Variants in ZNF420 observed in about 807,000 individuals in gnomAD.
The protein encoded by ZNF420 is zinc finger protein 420, also known as ATM and p53-associated KZNF protein.
In ZNF420, 31 loss-of-function variants were observed where a neutral mutation model predicts 44.7. That is an observed-to-expected ratio of 0.69 (90% confidence interval 0.52 to 0.94). The LOEUF is 0.94. Among genes scored for constraint, ZNF420 ranks in the 40% least tolerant of loss-of-function variants. ZNF420 has a pLI of 0.00. For synonymous variants in ZNF420, 245 were observed against 267.4 expected, an observed-to-expected ratio of 0.92 and a Z score of 0.82; for missense variants, 681 against 827.9, an observed-to-expected ratio of 0.82 and a Z score of 2.18.
intron 4 of ZNF420, among the ~76,000 whole-genome samples, chr19:37,098,458 T>A (rs968326342): frequency 1.3e-4 from 20 of 152,222 alleles, no homozygotes; most frequent in Non-Finnish European, 2.4e-4. Context: ...AGTTATTATA[T>A]CTTCATGGGT....
At chr19:37,120,314 T>C (rs1172888875) in intron 4 of ZNF420, among the ~76,000 whole-genome samples, 2 of 151,808 alleles carry the variant, frequency 1.3e-5, no homozygotes, top group East Asian at 3.8e-4. Context: ...CAAGGCTGGT[T>C]CAACATACAC....
chr19:37,120,303 GCAAGGCTGGTT>G (rs1268449613), intron 4 of ZNF420, among the ~76,000 whole-genome samples: 154 of 152,284 alleles, frequency 1.0e-3, no homozygotes, highest in African/African-American at 3.3e-3. Flanking sequence ...TCCCTGGGAT[GCAAGGCTGGTT>G]CAACATACAC....
At chr19:37,058,559 G>C (rs1192598827) in intron 1 of ZNF420, among the ~76,000 whole-genome samples, 1 of 152,068 alleles carries the variant, frequency 6.6e-6, no homozygotes. Flanking sequence ...GTGAGGGTGG[G>C]GTGAACTATG....
intron 4 of ZNF420, chr19:37,115,286 G>A (rs776170686): frequency 6.5e-6 from 1 of 153,476 alleles, no homozygotes; most frequent in Non-Finnish European, 1.5e-5. Context: ...CAGAAACAAA[G>A]TATAGAGAAA....
intron 1 of ZNF420, among the ~76,000 whole-genome samples, chr19:37,072,648 C>A (rs977746065): frequency 2.0e-5 from 3 of 152,134 alleles, no homozygotes; most frequent in Non-Finnish European, 4.4e-5. Flanking sequence ...AGATTCATGA[C>A]ATAGATGGCC....
chr19:37,114,330 C>T (rs879621159), intron 4 of ZNF420, among the ~76,000 whole-genome samples: 212 of 152,280 alleles, frequency 1.4e-3, no homozygotes, highest in Non-Finnish European at 2.3e-3. Context: ...GTTCGGCTGG[C>T]GGCCAGTATT....
intron 1 of ZNF420, among the ~76,000 whole-genome samples, chr19:37,016,466 C>T (rs1265437310): frequency 6.6e-6 from 1 of 152,214 alleles, no homozygotes; most frequent in South Asian, 2.1e-4. Context: ...GCACAGGCCC[C>T]TCCTGTGGTC....
intron 1 of ZNF420, among the ~76,000 whole-genome samples, chr19:37,043,533 A>AT (rs1239285680): frequency 1.3e-5 from 2 of 151,828 alleles, no homozygotes; most frequent in South Asian, 4.2e-4. Flanking sequence ...TTATTTATTT[A>AT]TTTTTTTTAG....
chr19:37,073,241 C>A (rs925763943), intron 1 of ZNF420, among the ~76,000 whole-genome samples: 2 of 152,026 alleles, frequency 1.3e-5, no homozygotes, highest in Non-Finnish European at 2.9e-5. Context: ...CATAATACTG[C>A]GTAAAATTTT....
intron 2 of ZNF420, among the ~76,000 whole-genome samples, chr19:37,082,400 G>C (rs773009894): frequency 1.3e-5 from 2 of 152,096 alleles, no homozygotes; most frequent in Admixed American, 6.6e-5. Context: ...CCTGAACTCA[G>C]GTGATCTGCC....
intron 1 of ZNF420, among the ~76,000 whole-genome samples, chr19:37,020,454 C>T (rs2074640245): frequency 6.6e-6 from 1 of 152,142 alleles, no homozygotes; most frequent in Admixed American, 6.5e-5. Flanking sequence ...TCCCTAAACC[C>T]TTAAATATCC....
At chr19:37,056,180 A>C (rs1001692531) in intron 1 of ZNF420, among the ~76,000 whole-genome samples, 5 of 151,146 alleles carry the variant, frequency 3.3e-5, no homozygotes, top group Admixed American at 2.6e-4. Context: ...TGTCAGGGCT[A>C]CCTAGGCGTT....
Position 37,127,702 on chromosome 19 carries a change from A to T in ZNF420, c.711A>T (p.Gln237His), listed in dbSNP as rs764798559. ...GGAAAGCCTTTATTCGTAGCTCACA[A>T]CTTACCCGACATCAAAAAGTTCATA... Reference protein sequence around the residue: ...ECGKAFIRSSQLTRHQKVHTG... With the variant: ...ECGKAFIRSSHLTRHQKVHTG... The change falls in exon 5 of 5, where the codon CAA (glutamine) becomes CAT (histidine). Residue 237 changes from glutamine (Q) to histidine (H), a missense_variant. Physicochemically the swap from Gln to His is conservative, Grantham distance 24. This residue lies in a region of ZNF420 where 350 missense variants were observed against 382.5 expected (regional missense o/e 0.92). Transcript: ENST00000337995. The T allele has an allele frequency of 1.2e-6, 2 of 1,613,996 alleles. No individual in the cohort carries two copies. The highest frequency in any genetic ancestry group is 8.5e-7 in the Non-Finnish European group (1 of 1,179,908).
At chr19:37,071,694 G>C (rs371971910) in intron 1 of ZNF420, among the ~76,000 whole-genome samples, 1 of 152,082 alleles carries the variant, frequency 6.6e-6, no homozygotes. Context: ...CCAGCTACTC[G>C]GGAGGCTGAG....
intron 2 of ZNF420, among the ~76,000 whole-genome samples, chr19:37,085,386 G>A (rs1968696767): frequency 6.6e-6 from 1 of 152,160 alleles, no homozygotes. Context: ...TCCATACGCA[G>A]TTGTTAATGA....
In ZNF420 at chr19:37,130,110, C is replaced by G. The variant is rs1568486492; in HGVS notation, c.*1052C>G. The G allele has an allele frequency of 6.5e-6, 10 of 1,550,154 alleles. No individual in the cohort carries two copies. The highest frequency in any genetic ancestry group is 7.0e-6 in the Non-Finnish European group (8 of 1,146,860). ...GATTTACGAAATCCATTTTTCCTGT[C>G]TTTTTTTCCGTGCCTACAATGTGGA... On this transcript the variant is annotated 3_prime_UTR_variant, in exon 5 of 5. Transcript: ENST00000337995.
chr19:37,088,803 G>A (rs1023986289), intron 2 of ZNF420, among the ~76,000 whole-genome samples: 2 of 152,030 alleles, frequency 1.3e-5, no homozygotes, highest in Non-Finnish European at 2.9e-5. Context: ...TAGATGTGTC[G>A]TTATTACCTA....
At chr19:37,090,582 T>C (rs1374340454) in intron 3 of ZNF420, among the ~76,000 whole-genome samples, 1 of 152,030 alleles carries the variant, frequency 6.6e-6, no homozygotes, top group African/African-American at 2.4e-5. Context: ...CCATGTGCTC[T>C]GTTGCTTCCT....
intron 1 of ZNF420, among the ~76,000 whole-genome samples, chr19:37,016,959 C>T (rs1001953636): frequency 6.6e-6 from 1 of 152,204 alleles, no homozygotes; most frequent in Middle Eastern, 3.2e-3. Context: ...TAACCTCCTA[C>T]ATGAATCCCA....
Sources: gnomAD v4.1 joint callset for allele counts (sites outside exome capture counted in the v4.1 genomes callset) on GRCh38, gnomAD v4.1.1 for gene constraint, gnomAD v4.1.1 regional missense constraint, MANE v1.5 for transcripts, NCBI Gene and HGNC (gene_info 2026-07-23, HGNC 2026-07-21) for gene names.